The following FIBCD1 variants were observed in gnomAD, a reference collection of about 807,000 sequenced individuals.
FIBCD1 encodes the protein fibrinogen C domain containing 1.
Under a neutral mutation model 45.1 loss-of-function variants are expected in FIBCD1, and 47 were observed. The observed-to-expected ratio is 1.04, with a 90% CI of 0.82 to 1.33. FIBCD1 has a LOEUF of 1.33. Among genes scored for constraint, FIBCD1 ranks in the 40% most tolerant of loss-of-function variants. The pLI is 0.00. For missense variants in FIBCD1, 653 were observed against 682.2 expected (o/e 0.96, Z 0.48); for synonymous variants, 313 against 308.1 (o/e 1.02, Z -0.17).
intron 5 of FIBCD1, among the ~76,000 whole-genome samples, chr9:130,907,402 C>T (rs541894258): frequency 2.3e-4 from 35 of 152,340 alleles, no homozygotes; most frequent in South Asian, 4.1e-4. Context: ...CAGGACCGCT[C>T]CCAGCCACGT....
chr9:130,903,735 G>A lies in FIBCD1; in HGVS notation c.*329C>T, dbSNP rs1462885951. The A allele has an allele frequency of 1.3e-5, 6 of 466,928 alleles. No individual in the cohort carries two copies. In the East Asian group the frequency reaches 2.5e-4, roughly 19 times the overall value. 28.9% of individuals were successfully genotyped at this position (466,928 alleles called of 1,614,324 possible). On this transcript the variant is annotated 3_prime_UTR_variant, in exon 7 of 7. Coordinates refer to ENST00000372338, the MANE Select transcript of FIBCD1 (RefSeq NM_032843.5). Reference sequence around the variant, plus strand: ...GGCCGGGCAGGGCAGAGGGTGCCTGGGGCAGACTCCACCATCCTGGCCAGG... The same window carrying A: ...GGCCGGGCAGGGCAGAGGGTGCCTGAGGCAGACTCCACCATCCTGGCCAGG...
At chr9:130,931,629 C>A (rs906477086) in intron 1 of FIBCD1, among the ~76,000 whole-genome samples, 1 of 152,244 alleles carries the variant, frequency 6.6e-6, no homozygotes, top group African/African-American at 2.4e-5. Context: ...GGTGCCAGAG[C>A]GTGGCCGCAC....
rs1416108523 is a variant in FIBCD1 at position 130,938,652 on chromosome 9, C to A, written c.-45G>T. ...GGGCGCCGGGCGAGGCGCGCCGCTG[C>A]GGAGCGCAAAGGAGACGGGGTGGGC... On this transcript the variant is annotated 5_prime_UTR_variant, in exon 1 of 7. Transcript: ENST00000372338. 3 of 1,361,446 alleles carry A rather than the reference C, an allele frequency of 2.2e-6. No homozygotes were observed. The highest frequency in any genetic ancestry group is 3.3e-5 in the East Asian group (1 of 30,630). The allele number at this position is 1,361,446 out of a possible 1,614,324, so 84.3% of individuals were successfully genotyped here.
intron 2 of FIBCD1, among the ~76,000 whole-genome samples, chr9:130,929,320 A>T (rs929119133): frequency 6.6e-6 from 1 of 152,166 alleles, no homozygotes; most frequent in Admixed American, 6.5e-5. Flanking sequence ...GGTGCTGTAC[A>T]GTTTACCGGG....
intron 1 of FIBCD1, among the ~76,000 whole-genome samples, chr9:130,935,910 T>C (rs1832512096): frequency 6.6e-6 from 1 of 152,208 alleles, no homozygotes; most frequent in Non-Finnish European, 1.5e-5. Flanking sequence ...GTCAGCGTTA[T>C]GCTCCCAGAG....
intron 5 of FIBCD1, among the ~76,000 whole-genome samples, chr9:130,909,036 T>G (rs959536274): frequency 2.6e-5 from 4 of 152,042 alleles, no homozygotes; most frequent in Non-Finnish European, 5.9e-5. Flanking sequence ...AGACCTGCGC[T>G]CTCAGCCTCT....
intron 1 of FIBCD1, among the ~76,000 whole-genome samples, chr9:130,932,102 A>T (rs1832453625): frequency 6.6e-6 from 1 of 152,036 alleles, no homozygotes. Flanking sequence ...ACATGGGGGG[A>T]CATCTTACAA....
chr9:130,931,844 G>A (rs1477031894), intron 1 of FIBCD1, among the ~76,000 whole-genome samples: 1 of 152,260 alleles, frequency 6.6e-6, no homozygotes, highest in Non-Finnish European at 1.5e-5. Context: ...TCAACTCTCA[G>A]ACACATTTTC....
At chr9:130,906,388 G>C (rs1831929566) in intron 5 of FIBCD1, among the ~76,000 whole-genome samples, 1 of 152,176 alleles carries the variant, frequency 6.6e-6, no homozygotes, top group Admixed American at 6.5e-5. Context: ...GCACCTCCCG[G>C]GGTCAGTGTG....
At chr9:130,917,999 T>C (rs1314258082) in intron 4 of FIBCD1, among the ~76,000 whole-genome samples, 2 of 152,154 alleles carry the variant, frequency 1.3e-5, no homozygotes, top group Non-Finnish European at 2.9e-5. Flanking sequence ...ACCCCGTGTG[T>C]GCTCGGGGCT....
At chr9:130,913,662 CTG>C (rs1425986837) in intron 4 of FIBCD1, among the ~76,000 whole-genome samples, 15 of 152,236 alleles carry the variant, frequency 9.9e-5, no homozygotes, top group Admixed American at 9.8e-4. Flanking sequence ...TCAGGGAGAT[CTG>C]AGGAGCGGTG....
At position 130,938,886 on chromosome 9, in the gene FIBCD1, G is replaced by C. The variant is rs951115495; in HGVS notation, c.-279C>G. ...CTCCCGGCTCCGGCGCCTCCCCGGCGCGCTCCTCTCTCTCCTCCCTCGTCC... is the reference window on the plus strand; with the variant it reads ...CTCCCGGCTCCGGCGCCTCCCCGGCCCGCTCCTCTCTCTCCTCCCTCGTCC... On this transcript the variant is annotated 5_prime_UTR_variant, in exon 1 of 7. Coordinates refer to ENST00000372338, the MANE Select transcript of FIBCD1 (RefSeq NM_032843.5). 2 of 153,380 alleles carry C rather than the reference G, an allele frequency of 1.3e-5. No individual in the cohort carries two copies. The highest frequency in any genetic ancestry group is 2.9e-5 in the Non-Finnish European group (2 of 69,092). 9.5% of individuals were successfully genotyped at this position (153,380 alleles called of 1,614,324 possible).
chr9:130,910,121 G>T (rs948097483), intron 5 of FIBCD1, among the ~76,000 whole-genome samples: 7 of 152,254 alleles, frequency 4.6e-5, no homozygotes, highest in Non-Finnish European at 1.0e-4. Context: ...AGGGGTGGAG[G>T]GAGAGGCGCG....
chr9:130,923,949 T>C, intron 3 of FIBCD1, 69 bp from the exon 4 acceptor site: 1 of 1,603,920 alleles, frequency 6.2e-7, no homozygotes, highest in Non-Finnish European at 8.5e-7. Context: ...CTGGCCAAAC[T>C]GTCTGTCCAT....
chr9:130,915,565 T>C (rs1832143855), intron 4 of FIBCD1, among the ~76,000 whole-genome samples: 1 of 152,110 alleles, frequency 6.6e-6, no homozygotes, highest in Non-Finnish European at 1.5e-5. Flanking sequence ...TAGCCGGGCA[T>C]AGTGGCAGGT....
Position 130,911,783 on chromosome 9 carries a change from G to T in FIBCD1, c.946+9C>A, listed in dbSNP as rs1284483181. ...CCCACCTGGGCCGGATGGTGGGTGG[G>T]GTGCTCACCTAGCCAGTGCTCCCCG... On this transcript the variant is annotated intron_variant, in intron 5 of 6. Transcript: ENST00000372338. 5.7e-6 allele frequency: 9 copies of T among 1,591,468 alleles called. No individual in the cohort carries two copies. Among genetic ancestry groups the T allele is most frequent in the Non-Finnish European group, 7.7e-6 (9 of 1,170,030 alleles).
rs144181457 is a variant in FIBCD1 at position 130,911,831 on chromosome 9, G to A, written c.907C>T (p.Arg303Ter). The A allele has an allele frequency of 1.1e-5, 18 of 1,604,654 alleles. No homozygotes were observed. The highest frequency in any genetic ancestry group is 1.7e-4 in the Middle Eastern group (1 of 5,990). ...CCGGTGAGCCTGCCAAAGCCGTCTC[G>A]GTACGCATCCCAGCCCCGGAAGAAG... ...VNFFRGWDAYRDGFGRLTGEH... is the reference protein window; with the variant it reads ...VNFFRGWDAY Residue 303 changes from arginine (R) to a stop codon, truncating the protein, a stop_gained, in exon 5 of 7, where the codon CGA becomes TGA. Coordinates refer to ENST00000372338, the MANE Select transcript of FIBCD1 (RefSeq NM_032843.5). LOFTEE classifies it high-confidence loss of function.
intron 1 of FIBCD1, among the ~76,000 whole-genome samples, chr9:130,934,391 G>A (rs1269523485): frequency 1.3e-5 from 2 of 152,184 alleles, no homozygotes; most frequent in Admixed American, 6.5e-5. Context: ...CCGCCATACC[G>A]CTGGGGACCC....
chr9:130,904,054 G>C lies in FIBCD1; in HGVS notation c.*10C>G. 1 of 1,611,336 alleles carries C rather than the reference G, an allele frequency of 6.2e-7. No homozygotes were observed. The highest frequency in any genetic ancestry group is 8.5e-7 in the Non-Finnish European group (1 of 1,179,450). ...AGGGACCAGCAGGGCCAAGGACAAG[G>C]TGCACCAGTCTAGCGGTCCTCCCGG... On this transcript the variant is annotated 3_prime_UTR_variant, in exon 7 of 7. Transcript: ENST00000372338.
Sources: gnomAD v4.1 joint callset for allele counts (sites outside exome capture counted in the v4.1 genomes callset) on GRCh38, gnomAD v4.1.1 for gene constraint, MANE v1.5 for transcripts, NCBI Gene and HGNC (gene_info 2026-07-23, HGNC 2026-07-21) for gene names.